PEX14: variants seen among roughly 807,000 people sequenced by gnomAD.
PEX14 encodes the protein peroxisomal membrane protein PEX14.
Under a neutral mutation model 49.5 loss-of-function variants are expected in PEX14, and 15 were observed. The observed-to-expected ratio is 0.30, with a 90% CI of 0.20 to 0.47. The LOEUF is 0.47. Among genes scored for constraint, PEX14 ranks in the 20% least tolerant of loss-of-function variants. The pLI, the probability that PEX14 is intolerant of heterozygous loss-of-function variation, is 1.00. For synonymous variants in PEX14, 210 were observed against 212.7 expected (o/e 0.99, Z 0.11); for missense variants, 398 against 494.8 (o/e 0.80, Z 1.86).
rs1641548459 is a variant in PEX14, at chr1:10,495,723, T to C, written c.84+402T>C. ...GCCTCAGTGGTCTTTAAAGAACAGGTAAGCGATGGAATTCTGGTTTTGCCT... is the reference window on the plus strand; with the variant it reads ...GCCTCAGTGGTCTTTAAAGAACAGGCAAGCGATGGAATTCTGGTTTTGCCT... On this transcript the variant is annotated intron_variant, in intron 2 of 8. Transcript: ENST00000356607. This position sits in a 1 kb window ranked among gnomAD's most constrained non-coding sequence, Gnocchi z 4.2. Among the ~76,000 whole-genome samples the C allele has an allele frequency of 6.6e-6, 1 of 152,152 alleles. No homozygotes were observed. Among genetic ancestry groups the C allele is most frequent in the Non-Finnish European group, 1.5e-5 (1 of 68,018 alleles).
intron 3 of PEX14, among the ~76,000 whole-genome samples, chr1:10,540,593 A>G (rs575273170): frequency 1.0e-4 from 12 of 117,040 alleles, no homozygotes; most frequent in Non-Finnish European, 2.3e-4. Context: ...TTCCTCCCCC[A>G]TCTCCAGGAA....
chr1:10,523,511 C>T (rs954748550), intron 2 of PEX14, among the ~76,000 whole-genome samples: 39 of 151,856 alleles, frequency 2.6e-4, no homozygotes, highest in Admixed American at 2.2e-3. Context: ...TATAAAATGG[C>T]ACAGGTAGGG....
intron 2 of PEX14, among the ~76,000 whole-genome samples, chr1:10,526,709 C>G (rs1409933713): frequency 6.6e-6 from 1 of 151,972 alleles, no homozygotes; most frequent in Middle Eastern, 3.2e-3. Flanking sequence ...TCTGAAAATC[C>G]CAAATCCGAA....
intron 3 of PEX14, among the ~76,000 whole-genome samples, chr1:10,547,096 G>A (rs1373579054): frequency 6.6e-6 from 1 of 152,164 alleles, no homozygotes; most frequent in East Asian, 1.9e-4. Flanking sequence ...TTGCAGCTGT[G>A]ATCCAGGGAC....
intron 3 of PEX14, among the ~76,000 whole-genome samples, chr1:10,540,322 C>CT (rs538905688): frequency 1.9e-4 from 29 of 151,976 alleles, no homozygotes; most frequent in Non-Finnish European, 3.4e-4. Flanking sequence ...TATTACTTTT[C>CT]TTTTTTTTAT....
chr1:10,627,192 C>G (rs1027541275), intron 7 of PEX14, 80 bp from the exon 8 acceptor site: 76 of 932,570 alleles, frequency 8.1e-5, no homozygotes, highest in Admixed American at 4.7e-4. Flanking sequence ...CTGCTGCCCC[C>G]ACCCAGGTCC....
chr1:10,531,921 C>G (rs1304562020), intron 2 of PEX14, among the ~76,000 whole-genome samples: 1 of 152,142 alleles, frequency 6.6e-6, no homozygotes, highest in African/African-American at 2.4e-5. Flanking sequence ...ATGTGCAGGT[C>G]TTTTGTAGGA....
chr1:10,621,150 CAA>C lies in PEX14; in HGVS notation c.385-1868_385-1867del, dbSNP rs148530920. ...ATTGCAATATCAGTCACAATGGTAA[CAA>C]GAGAATTTCTAAAGCATCTGCTCAG... On this transcript the variant is annotated intron_variant, in intron 5 of 8. Coordinates refer to ENST00000356607, the MANE Select transcript of PEX14 (RefSeq NM_004565.3). Among the ~76,000 whole-genome samples the C allele has an allele frequency of 1.1e-3, 150 of 136,374 alleles. 1 individual carries two copies. Among genetic ancestry groups the C allele is most frequent in the African/African-American group, 3.1e-3 (113 of 36,268 alleles). The allele number at this position is 136,374 out of a possible 152,430, so 89.5% of individuals were successfully genotyped here. A position where few individuals can be genotyped will look rare whatever the true frequency, so the allele number is the denominator to read the frequency against.
intron 3 of PEX14, among the ~76,000 whole-genome samples, chr1:10,569,504 C>CAAT (rs1639910215): frequency 6.6e-6 from 1 of 152,154 alleles, no homozygotes; most frequent in Admixed American, 6.5e-5. Flanking sequence ...CAGCCTTTCC[C>CAAT]GATGACTCTG....
intron 3 of PEX14, among the ~76,000 whole-genome samples, chr1:10,561,059 A>G (rs1360463092): frequency 1.3e-5 from 2 of 152,056 alleles, no homozygotes; most frequent in African/African-American, 4.8e-5. Flanking sequence ...ACACACACAC[A>G]TATACACACA....
intron 1 of PEX14, among the ~76,000 whole-genome samples, chr1:10,489,164 A>G (rs1641425614): frequency 1.3e-5 from 2 of 151,978 alleles, no homozygotes; most frequent in Non-Finnish European, 2.9e-5. Flanking sequence ...TATTCTTAGT[A>G]GAGACGGGGT....
At chr1:10,562,992 A>G (rs1355153451) in intron 3 of PEX14, among the ~76,000 whole-genome samples, 1 of 147,674 alleles carries the variant, frequency 6.8e-6, no homozygotes. Context: ...GCTCACTGCA[A>G]CCTCCATCTC....
chr1:10,534,733 A>G (rs2026792), intron 2 of PEX14, among the ~76,000 whole-genome samples: 39,449 of 152,052 alleles, frequency 0.26, 5,814 homozygotes, highest in Admixed American at 0.34. Context: ...TTGGCTGTCA[A>G]GGGACACTAG....
intron 3 of PEX14, among the ~76,000 whole-genome samples, chr1:10,566,512 G>A (rs185524173): frequency 6.7e-5 from 10 of 149,700 alleles, no homozygotes; most frequent in Admixed American, 2.7e-4. Flanking sequence ...TTTTGACGTG[G>A]AATTTCACTC....
At chr1:10,591,317 G>C (rs983377545) in intron 3 of PEX14, among the ~76,000 whole-genome samples, 2 of 146,500 alleles carry the variant, frequency 1.4e-5, no homozygotes, top group African/African-American at 5.5e-5. Flanking sequence ...CAAGAAGTTA[G>C]AAATTGTGGG....
intron 4 of PEX14, among the ~76,000 whole-genome samples, chr1:10,604,071 C>T (rs1435631984): frequency 3.9e-5 from 6 of 152,120 alleles, no homozygotes; most frequent in Non-Finnish European, 7.3e-5. Flanking sequence ...TGTGCCAGAC[C>T]CCTGGGCTAA....
chr1:10,568,762 CAG>C (rs1273350824), intron 3 of PEX14, among the ~76,000 whole-genome samples: 3 of 152,084 alleles, frequency 2.0e-5, no homozygotes, highest in Admixed American at 6.6e-5. Context: ...GTTTTTGAGA[CAG>C]AGTCTCACTC....
chr1:10,559,559 C>T (rs531282550), intron 3 of PEX14, among the ~76,000 whole-genome samples: 2 of 152,284 alleles, frequency 1.3e-5, no homozygotes, highest in East Asian at 1.9e-4. Flanking sequence ...GAGGATGGTG[C>T]GGGGGCTGGC....
intron 2 of PEX14, among the ~76,000 whole-genome samples, chr1:10,502,458 C>T (rs146986244): frequency 1.5e-3 from 221 of 152,274 alleles, no homozygotes; most frequent in Non-Finnish European, 2.3e-3. Flanking sequence ...ATAGACTAGG[C>T]GGTGCCCTTT....
Sources: gnomAD v4.1 joint callset for allele counts (sites outside exome capture counted in the v4.1 genomes callset) on GRCh38, gnomAD v4.1.1 for gene constraint, Gnocchi (gnomAD v3.1) non-coding constraint, MANE v1.5 for transcripts, NCBI Gene and HGNC (gene_info 2026-07-23, HGNC 2026-07-21) for gene names.